The following RYR3 variants were observed in gnomAD, a reference collection of about 807,000 sequenced individuals.
RYR3 encodes brain ryanodine receptor-calcium release channel.
Under a neutral mutation model 584.3 loss-of-function variants are expected in RYR3, and 207 were observed. The ratio of observed to expected loss-of-function variants is 0.35; its 90% CI spans 0.32 to 0.40. The LOEUF is 0.40. Ranked by LOEUF, RYR3 falls within the 10% of genes least tolerant of loss-of-function variation. The pLI is 1.00. For missense variants in RYR3, 5,616 were observed against 6,089.2 expected, an observed-to-expected ratio of 0.92 and a Z score of 2.59; for synonymous variants, 2,416 against 2,248.5, an observed-to-expected ratio of 1.07 and a Z score of -2.11.
intron 3 of RYR3, among the ~76,000 whole-genome samples, chr15:33,523,329 G>C (rs1954968951): frequency 6.6e-6 from 1 of 152,148 alleles, no homozygotes; most frequent in African/African-American, 2.4e-5. Context: ...AAATCTTGCT[G>C]CTGCTCACTC....
chr15:33,355,764 C>G lies in RYR3; in HGVS notation c.51+44668C>G, dbSNP rs1223317153. 2.0e-5 allele frequency among the ~76,000 whole-genome samples: 3 copies of G among 152,206 alleles called. No homozygotes were observed. The South Asian group carries it at 6.2e-4, about 32-fold the overall frequency. On this transcript the variant is annotated intron_variant, in intron 1 of 103. Coordinates refer to ENST00000634891, the MANE Select transcript of RYR3 (RefSeq NM_001036.6). ...CTGCTTCTCATCCCTGATCCCCTAG[C>G]TAGGTATAACCGGTGCCAATGATAT...
At chr15:33,740,028 T>C (rs1391796504) in intron 51 of RYR3, 33 bp downstream of exon 51, 3 of 1,598,650 alleles carry the variant, frequency 1.9e-6, no homozygotes, top group Non-Finnish European at 2.6e-6. Flanking sequence ...GCTGGTGCTG[T>C]ATTTTGTCCA....
intron 18 of RYR3, among the ~76,000 whole-genome samples, chr15:33,611,922 G>A (rs1428429834): frequency 2.0e-5 from 3 of 152,142 alleles, no homozygotes; most frequent in Admixed American, 1.3e-4. Context: ...GCCACCCAAA[G>A]TGCTGGGATT....
At chr15:33,505,578 G>A (rs187312588) in intron 3 of RYR3, among the ~76,000 whole-genome samples, 33 of 152,184 alleles carry the variant, frequency 2.2e-4, no homozygotes, top group Admixed American at 7.2e-4. Context: ...TGCAAGCTCC[G>A]CCTCCCAGGT....
At position 33,641,744 on chromosome 15, in the gene RYR3, T is replaced by A. The variant is rs113886875; in HGVS notation, c.3557-2567T>A. On this transcript the variant is annotated intron_variant, in intron 27 of 103. Coordinates refer to ENST00000634891, the MANE Select transcript of RYR3 (RefSeq NM_001036.6). ...CACTTAGCCTCCCGGAGGTCCCCAA[T>A]ACTCTGTGCCTCCCATTGCTCTTGC... is the stretch of plus-strand genomic sequence containing the variant. Among the ~76,000 whole-genome samples, 1,097 of 152,316 alleles carry A rather than the reference T, an allele frequency of 7.2e-3. 18 individuals carry two copies. The highest frequency in any genetic ancestry group is 0.025 in the African/African-American group (1,037 of 41,562).
At chr15:33,464,731 TTGTG>T (rs910487464) in intron 1 of RYR3, among the ~76,000 whole-genome samples, 1 of 151,790 alleles carries the variant, frequency 6.6e-6, no homozygotes, top group Non-Finnish European at 1.5e-5. Flanking sequence ...ATACTTACCT[TTGTG>T]TGTGTGTGAT....
At chr15:33,742,171 G>A (rs542188464) in intron 51 of RYR3, among the ~76,000 whole-genome samples, 195 bp from the exon 52 acceptor site, 6 of 152,148 alleles carry the variant, frequency 3.9e-5, no homozygotes, top group African/African-American at 1.4e-4. Context: ...ACTTGGGTGC[G>A]TCCGTGACCT....
chr15:33,560,861 T>C (rs2057361524), intron 10 of RYR3, among the ~76,000 whole-genome samples: 1 of 152,028 alleles, frequency 6.6e-6, no homozygotes, highest in South Asian at 2.1e-4. Context: ...AATAATCTTT[T>C]TAAAAAAGAA....
intron 85 of RYR3, among the ~76,000 whole-genome samples, chr15:33,829,491 GT>G (rs1381281994): frequency 1.3e-5 from 2 of 152,150 alleles, no homozygotes; most frequent in Non-Finnish European, 2.9e-5. Flanking sequence ...GCTCGCATCT[GT>G]AATCCTAGGA....
At chr15:33,848,547 C>T in intron 94 of RYR3, 126 bp downstream of exon 94, 1 of 1,084,986 alleles carries the variant, frequency 9.2e-7, no homozygotes, top group Non-Finnish European at 1.3e-6. Flanking sequence ...ACTTTTCTCC[C>T]TTGCCTCTTC....
intron 12 of RYR3, among the ~76,000 whole-genome samples, chr15:33,577,425 G>A (rs1399663434): frequency 6.6e-6 from 1 of 152,102 alleles, no homozygotes; most frequent in Non-Finnish European, 1.5e-5. Context: ...CAAACACATA[G>A]ACCAATAGAA....
intron 16 of RYR3, among the ~76,000 whole-genome samples, chr15:33,599,367 T>C (rs1001300302): frequency 4.9e-4 from 75 of 152,238 alleles, no homozygotes; most frequent in African/African-American, 1.8e-3. Flanking sequence ...CATTAAATCC[T>C]GACGACACGT....
At chr15:33,852,137 C>A (rs2079170691) in intron 94 of RYR3, 1 of 151,808 alleles carries the variant, frequency 6.6e-6, no homozygotes, top group African/African-American at 2.4e-5. Context: ...GAATAGGGAA[C>A]TGTTGTGTTC....
chr15:33,655,816 T>C (rs938306720), intron 32 of RYR3, among the ~76,000 whole-genome samples: 6 of 152,180 alleles, frequency 3.9e-5, no homozygotes, highest in African/African-American at 1.4e-4. Flanking sequence ...GACAGTGGGA[T>C]CGTTGTTATT....
chr15:33,349,780 T>C (rs1972990261), intron 1 of RYR3, among the ~76,000 whole-genome samples: 1 of 132,258 alleles, frequency 7.6e-6, no homozygotes, highest in South Asian at 2.5e-4. Context: ...GAGTGTGATG[T>C]TCCCCTTCCT....
chr15:33,696,383 C>T lies in RYR3; in HGVS notation c.6026C>T (p.Thr2009Ile). ...ALRKTYTISH[T>I]SVSDTINLLA... is the part of the protein sequence containing the mutation. ...CGGAAGACCTACACCATCAGCCACACCTCTGTAAGCGACACCATCAACCTG... is the reference window on the plus strand; with the variant it reads ...CGGAAGACCTACACCATCAGCCACATCTCTGTAAGCGACACCATCAACCTG... Residue 2009 changes from threonine to isoleucine, a missense_variant, in exon 39 of 104, where the codon ACC becomes ATC. Physicochemically the swap from Thr to Ile is moderately conservative, Grantham distance 89. Coordinates refer to ENST00000634891, the MANE Select transcript of RYR3 (RefSeq NM_001036.6). The T allele has an allele frequency of 6.2e-7, 1 of 1,613,932 alleles. No homozygotes were observed.
intron 67 of RYR3, among the ~76,000 whole-genome samples, chr15:33,795,099 A>C (rs1041938779): frequency 1.3e-5 from 2 of 152,162 alleles, no homozygotes; most frequent in Non-Finnish European, 1.5e-5. Context: ...CAGCTCTTTA[A>C]ATATGTAACA....
chr15:33,550,223 C>A lies in RYR3; in HGVS notation c.879C>A (p.His293Gln). 1.5e-5 allele frequency: 25 copies of A among 1,613,740 alleles called. No homozygotes were observed. The highest frequency in any genetic ancestry group is 2.1e-5 in the Non-Finnish European group (25 of 1,179,748). The change falls in exon 10 of 104, where the codon CAC becomes CAA. Residue 293 changes from histidine to glutamine, a missense_variant. Physicochemically the swap from His to Gln is conservative, Grantham distance 24. Around this residue, in one of 9 missense-constraint regions of RYR3, gnomAD observed 1,284 missense variants for 1,344.6 expected, o/e 0.95. Coordinates refer to ENST00000634891, the MANE Select transcript of RYR3 (RefSeq NM_001036.6). ...AFRLRHLTTG[H>Q]YLALTEDQGL... ...GACTCCGGCATCTCACCACAGGCCA[C>A]TACCTGGCCTTGACAGAAGACCAAG...
chr15:33,819,498 C>T (rs1030807448), intron 76 of RYR3, among the ~76,000 whole-genome samples: 5 of 151,582 alleles, frequency 3.3e-5, no homozygotes, highest in African/African-American at 1.2e-4. Flanking sequence ...ATGGTGAAAC[C>T]CCATCTCTAC....
Sources: allele counts gnomAD v4.1 joint callset (sites outside exome capture counted in the v4.1 genomes callset), GRCh38; gene constraint gnomAD v4.1.1; regional missense constraint gnomAD v4.1.1; transcripts MANE v1.5; gene names NCBI Gene and HGNC (gene_info 2026-07-23, HGNC 2026-07-21).